The following CCDC7 variants were observed in gnomAD, a reference collection of about 807,000 sequenced individuals.
CCDC7 encodes the protein coiled-coil domain containing 7.
A neutral mutation model predicts 196.9 loss-of-function variants in CCDC7; 183 were observed. The observed-to-expected ratio is 0.93, with a 90% CI of 0.82 to 1.05. CCDC7 has a LOEUF of 1.05. Ranked by LOEUF, CCDC7 falls within the 50% of genes least tolerant of loss-of-function variation. The pLI is 0.00. For missense variants in CCDC7, 1,540 were observed against 1,482.2 expected, an observed-to-expected ratio of 1.04 and a Z score of -0.64; for synonymous variants, 525 against 484.6, an observed-to-expected ratio of 1.08 and a Z score of -1.10.
intron 8 of CCDC7, among the ~76,000 whole-genome samples, chr10:32,482,709 T>C (rs1287514956): frequency 1.3e-5 from 2 of 151,978 alleles, no homozygotes; most frequent in African/African-American, 2.4e-5. Flanking sequence ...CCATGTGTTC[T>C]CATTGTTCAG....
At chr10:32,662,748 A>C (rs941600752) in intron 20 of CCDC7, among the ~76,000 whole-genome samples, 5 of 152,194 alleles carry the variant, frequency 3.3e-5, no homozygotes, top group Admixed American at 2.6e-4. Context: ...TTTTCAGTTA[A>C]GATCTGGATT....
upstream of CCDC7, among the ~76,000 whole-genome samples, chr10:32,449,643 A>G (rs1170536886): frequency 6.6e-6 from 1 of 152,078 alleles, no homozygotes; most frequent in Non-Finnish European, 1.5e-5. Flanking sequence ...GAAGTTAGGG[A>G]AAGTATGTGG....
rs2134324697 is a variant in CCDC7, at chr10:32,781,208, T to C, written c.3013+2124T>C. On this transcript the variant is annotated intron_variant, in intron 29 of 41. Transcript: ENST00000639629. The stretch of plus-strand genomic sequence containing the variant: ...AAAAATCCAGGACCAGACGACTTTA[T>C]GGGTGAATATTACCAAATATTTAAA... 2.6e-5 allele frequency among the ~76,000 whole-genome samples: 4 copies of C among 152,260 alleles called. 1 individual carries two copies. In the Middle Eastern group the frequency reaches 0.014, roughly 518 times the overall value.
intron 8 of CCDC7, among the ~76,000 whole-genome samples, chr10:32,487,435 C>G (rs1564426731): frequency 6.6e-6 from 1 of 152,112 alleles, no homozygotes; most frequent in African/African-American, 2.4e-5. Context: ...TTTGAACTTC[C>G]TTTTTTAGCT....
chr10:32,813,668 GT>G (rs1400778605), intron 30 of CCDC7, among the ~76,000 whole-genome samples: 1 of 152,162 alleles, frequency 6.6e-6, no homozygotes, highest in African/African-American at 2.4e-5. Context: ...TATATTTTTA[GT>G]GTAAACTTGA....
chr10:32,542,398 C>T (rs746232911), intron 11 of CCDC7, among the ~76,000 whole-genome samples: 4 of 152,058 alleles, frequency 2.6e-5, no homozygotes, highest in Non-Finnish European at 4.4e-5. Flanking sequence ...TTTGGGAGGC[C>T]GAGGCGGGCG....
chr10:32,780,733 T>C (rs2080920087), intron 29 of CCDC7, among the ~76,000 whole-genome samples: 1 of 152,058 alleles, frequency 6.6e-6, no homozygotes, highest in South Asian at 2.1e-4. Context: ...CAAAAAGGTA[T>C]AACATACAAA....
Position 32,689,113 on chromosome 10 carries a change from C to A in CCDC7, c.2294C>A (p.Ser765Ter). ...AGGCATCAAGACTCAATGTCAAAAT[C>A]AGAAATGCAAGTGAAGGAACAAAGA... Residue 765 changes from serine to a stop codon, truncating the protein, a stop_gained, in exon 23 of 42, where the codon TCA becomes TAA. Coordinates refer to ENST00000639629, the Ensembl canonical transcript of CCDC7. LOFTEE classifies it high-confidence loss of function. 2 of 1,608,116 alleles carry A rather than the reference C, an allele frequency of 1.2e-6. No homozygotes were observed. The highest frequency in any genetic ancestry group is 1.1e-5 in the South Asian group (1 of 90,280).
At chr10:32,497,994 G>A (rs1473588893) in intron 9 of CCDC7, among the ~76,000 whole-genome samples, 2 of 152,122 alleles carry the variant, frequency 1.3e-5, no homozygotes, top group African/African-American at 4.8e-5. Context: ...ACAGTGGGGT[G>A]TTAAAGTCTC....
chr10:32,490,020 T>C (rs1010322761), intron 8 of CCDC7, among the ~76,000 whole-genome samples: 1 of 152,128 alleles, frequency 6.6e-6, no homozygotes, highest in Non-Finnish European at 1.5e-5. Context: ...GTGAGAGCTG[T>C]CAGTGTTCTC....
chr10:32,605,470 T>G (rs957578010), intron 18 of CCDC7, among the ~76,000 whole-genome samples: 1 of 152,060 alleles, frequency 6.6e-6, no homozygotes, highest in African/African-American at 2.4e-5. Context: ...ATGAGGGAGT[T>G]TGGAACTTCG....
At chr10:32,469,821 T>C (rs534097705) in intron 5 of CCDC7, among the ~76,000 whole-genome samples, 224 of 152,092 alleles carry the variant, frequency 1.5e-3, no homozygotes, top group African/African-American at 5.3e-3. Flanking sequence ...AGGAAGAAAA[T>C]CTTCTTCCTC....
At chr10:32,653,707 A>G (rs7097222) in intron 20 of CCDC7, among the ~76,000 whole-genome samples, 152 of 152,320 alleles carry the variant, frequency 1.0e-3, no homozygotes, top group African/African-American at 3.5e-3. Context: ...TTACACCTGA[A>G]TATAAATTTT....
chr10:32,529,650 C>T (rs1296600299), intron 11 of CCDC7, among the ~76,000 whole-genome samples: 3 of 152,092 alleles, frequency 2.0e-5, no homozygotes, highest in Admixed American at 6.6e-5. Flanking sequence ...TGTTTCAGTT[C>T]CTTGTAGATT....
intron 24 of CCDC7, among the ~76,000 whole-genome samples, chr10:32,709,679 G>T (rs11009048): frequency 0.14 from 20,968 of 151,958 alleles, 1,721 homozygotes; most frequent in East Asian, 0.25. Flanking sequence ...ACCTACTGCT[G>T]TGTGACCCGG....
intron 21 of CCDC7, among the ~76,000 whole-genome samples, chr10:32,666,010 G>A (rs73259419): frequency 0.018 from 2,665 of 151,704 alleles, 86 homozygotes; most frequent in African/African-American, 0.061. Context: ...CATTGTTAGA[G>A]TATAGGAACA....
chr10:32,746,535 T>C (rs1042535735), intron 28 of CCDC7, among the ~76,000 whole-genome samples: 22 of 152,192 alleles, frequency 1.4e-4, no homozygotes, highest in African/African-American at 5.3e-4. Flanking sequence ...TTGTTAACTG[T>C]CAGGCCTGGA....
chr10:32,738,258 A>G (rs2133054584), intron 28 of CCDC7, among the ~76,000 whole-genome samples: 1 of 152,222 alleles, frequency 6.6e-6, no homozygotes, highest in Non-Finnish European at 1.5e-5. Flanking sequence ...ATCCAAGTCC[A>G]CTTTTAAATA....
chr10:32,606,974 AC>A (rs1487350309), intron 18 of CCDC7, among the ~76,000 whole-genome samples: 4 of 152,182 alleles, frequency 2.6e-5, no homozygotes, highest in African/African-American at 4.8e-5. Context: ...TTCCACGCAA[AC>A]ATCATGTTGA....
Sources: allele counts gnomAD v4.1 joint callset (sites outside exome capture counted in the v4.1 genomes callset), GRCh38; gene constraint gnomAD v4.1.1; transcripts MANE v1.5; gene names NCBI Gene and HGNC (gene_info 2026-07-23, HGNC 2026-07-21).